Variants in DNAH9 observed in about 807,000 individuals in gnomAD.
DNAH9 encodes the protein dynein axonemal heavy chain 9.
In DNAH9, 345 loss-of-function variants were observed where a neutral mutation model predicts 471.6. The ratio of observed to expected loss-of-function variants is 0.73; its 90% confidence interval spans 0.67 to 0.80. The LOEUF (loss-of-function observed/expected upper bound fraction) is 0.80, where lower values mean the gene tolerates loss of function less well. Among genes scored for constraint, DNAH9 ranks in the 30% least tolerant of loss-of-function variants. The pLI is 0.00. For synonymous variants in DNAH9, 2,093 were observed against 2,123.6 expected (o/e 0.99, Z 0.40); for missense variants, 5,407 against 5,609.2 (o/e 0.96, Z 1.15).
chr17:11,787,791 A>C (rs2150903046), intron 41 of DNAH9, among the ~76,000 whole-genome samples: 1 of 152,252 alleles, frequency 6.6e-6, no homozygotes. Flanking sequence ...GTAGTGAGTA[A>C]GTCTCACGAG....
At chr17:11,614,566 C>T (rs1358241131) in intron 4 of DNAH9, among the ~76,000 whole-genome samples, 1 of 152,176 alleles carries the variant, frequency 6.6e-6, no homozygotes, top group Non-Finnish European at 1.5e-5. Flanking sequence ...TTTCTGAGTC[C>T]ATTTGTGCTG....
chr17:11,742,911 A>G (rs2075453136), intron 30 of DNAH9, among the ~76,000 whole-genome samples: 1 of 152,204 alleles, frequency 6.6e-6, no homozygotes, highest in Non-Finnish European at 1.5e-5. Context: ...TCTCTCAGCC[A>G]TGTGGAGTCT....
chr17:11,823,872 G>A (rs1016901570), intron 48 of DNAH9, among the ~76,000 whole-genome samples: 2 of 151,588 alleles, frequency 1.3e-5, no homozygotes, highest in African/African-American at 4.9e-5. Flanking sequence ...GGAGATTGCA[G>A]TGAGCCGAGA....
Position 11,932,082 on chromosome 17 carries a change from T to C in DNAH9, c.12174T>C (p.His4058=), listed in dbSNP as rs2151036111. Residue 4058 remains histidine, a synonymous_variant, in exon 64 of 69, where the codon CAT becomes CAC. Transcript: ENST00000262442. This position sits in a 1 kb window ranked among gnomAD's most constrained non-coding sequence, Gnocchi z 4.3. ...TCCTCTTTGCTCTTTGTTACTTCCA[T>C]GCGGTGGTGGCAGAAAGACGAAAAT... The part of the protein sequence containing the change: ...KSILFALCYF[H]AVVAERRKFG... The C allele has an allele frequency of 6.2e-7, 1 of 1,614,120 alleles. No individual in the cohort carries two copies. The highest frequency in any genetic ancestry group is 8.5e-7 in the Non-Finnish European group (1 of 1,180,036).
chr17:11,950,479 C>A (rs1975323844), intron 67 of DNAH9, among the ~76,000 whole-genome samples: 2 of 152,264 alleles, frequency 1.3e-5, no homozygotes, highest in South Asian at 4.1e-4. Context: ...GATCTTCCCA[C>A]CTCAGCCACG....
chr17:11,948,524 C>T (rs139015604), intron 67 of DNAH9, among the ~76,000 whole-genome samples: 130 of 152,292 alleles, frequency 8.5e-4, no homozygotes, highest in African/African-American at 3.0e-3. Context: ...GCCACCGCAC[C>T]CGGCCTCCTC....
rs2072969930 is a variant in DNAH9, at chr17:11,626,352, T to C, written c.1351-3065T>C. 6.6e-6 allele frequency among the ~76,000 whole-genome samples: 1 copy of C among 152,226 alleles called. No homozygotes were observed. The highest frequency in any genetic ancestry group is 2.1e-4 in the South Asian group (1 of 4,830). On this transcript the variant is annotated intron_variant, in intron 6 of 68. Transcript: ENST00000262442. The surrounding 1 kb of genome is among the most constrained non-coding windows in gnomAD (Gnocchi z 4.3). ...GAATCGAATTATTTTGATTCTTAAA[T>C]CAAAGATTTAAGGCTAATCAAAGAT...
At chr17:11,736,594 C>T (rs565580843) in intron 28 of DNAH9, among the ~76,000 whole-genome samples, 12 of 152,298 alleles carry the variant, frequency 7.9e-5, no homozygotes, top group South Asian at 6.2e-4. Flanking sequence ...CTCTGCGGAC[C>T]GCAGTTGCTG....
intron 65 of DNAH9, 82 bp downstream of exon 65, chr17:11,934,153 C>T (rs935637483): frequency 1.9e-5 from 28 of 1,456,312 alleles, no homozygotes; most frequent in Non-Finnish European, 2.4e-5. Context: ...CCTGCACCAC[C>T]AGGGAAGCCT....
At chr17:11,807,985 G>A in intron 44 of DNAH9, 91 bp downstream of exon 44, 1 of 1,374,698 alleles carries the variant, frequency 7.3e-7, no homozygotes, top group Non-Finnish European at 9.9e-7. Flanking sequence ...CAGTTCCCCT[G>A]TCTGGAGCCT....
intron 43 of DNAH9, among the ~76,000 whole-genome samples, chr17:11,806,486 A>G (rs1363067829): frequency 6.6e-6 from 1 of 152,050 alleles, no homozygotes; most frequent in Non-Finnish European, 1.5e-5. Context: ...TCTACACAAT[A>G]CCATTCTACC....
At chr17:11,879,662 G>C (rs1033416180) in intron 53 of DNAH9, among the ~76,000 whole-genome samples, 1 of 124,918 alleles carries the variant, frequency 8.0e-6, no homozygotes, top group African/African-American at 3.3e-5. Flanking sequence ...CTAATACCCA[G>C]TCATTTAAAA....
chr17:11,849,836 C>A (rs1031568448), intron 49 of DNAH9, among the ~76,000 whole-genome samples: 1 of 152,132 alleles, frequency 6.6e-6, no homozygotes, highest in African/African-American at 2.4e-5. Flanking sequence ...TTCTTGTATC[C>A]CCGTCACTCA....
At chr17:11,817,741 C>A (rs1970151418) in intron 45 of DNAH9, among the ~76,000 whole-genome samples, 1 of 152,130 alleles carries the variant, frequency 6.6e-6, no homozygotes, top group Non-Finnish European at 1.5e-5. Context: ...TGAAATGAGT[C>A]ATTCTATTAG....
intron 51 of DNAH9, among the ~76,000 whole-genome samples, chr17:11,870,598 C>T (rs1972227628): frequency 1.3e-5 from 2 of 152,182 alleles, no homozygotes; most frequent in Admixed American, 6.5e-5. Context: ...TGAGATGATC[C>T]GTTTAGCTGA....
Position 11,619,729 on chromosome 17 carries a change from C to G in DNAH9, c.1298C>G (p.Ser433Cys), listed in dbSNP as rs117678834. The G allele has an allele frequency of 3.7e-4, 590 of 1,614,060 alleles. 2 individuals carry two copies. The East Asian group carries it at 0.012, about 34-fold the overall frequency. ...GTCAAGGAATGGGATTTCCAGTCTT[C>G]TTTGGTCTTTGTGCGATTGGATGGC... ...QEVKEWDFQS[S>C]LVFVRLDGFL... is the part of the protein sequence containing the mutation. Residue 433 changes from serine (S) to cysteine (C), a missense_variant, in exon 6 of 69, where the codon TCT becomes TGT. By Grantham distance (112) the Ser-to-Cys change is moderately radical. This residue lies in a region of DNAH9 where 767 missense variants were observed against 692.5 expected (regional missense o/e 1.11). Coordinates refer to ENST00000262442, the MANE Select transcript of DNAH9 (RefSeq NM_001372.4).
intron 39 of DNAH9, 81 bp from the exon 40 acceptor site, chr17:11,783,565 C>T: frequency 1.0e-6 from 1 of 993,988 alleles, no homozygotes; most frequent in Non-Finnish European, 1.6e-6. Context: ...AACAGTAGGG[C>T]ACATCCTACC....
chr17:11,632,717 G>C lies in DNAH9; in HGVS notation c.1635+14G>C. The stretch of plus-strand genomic sequence containing the variant: ...CATGCCTTTAAGGTTTGTGTAAATG[G>C]GGCAGGAGCCACTCGGTCCTGGATA... On this transcript the variant is annotated intron_variant, in intron 8 of 68. Transcript: ENST00000262442. 1 of 1,355,164 alleles carries C rather than the reference G, an allele frequency of 7.4e-7. No individual in the cohort carries two copies. Among genetic ancestry groups the C allele is most frequent in the African/African-American group, 1.4e-5 (1 of 69,736 alleles). 83.9% of individuals were successfully genotyped at this position (1,355,164 alleles called of 1,614,324 possible).
At chr17:11,727,720 A>C (rs577112030) in intron 27 of DNAH9, 98 bp from the exon 28 acceptor site, 1 of 775,434 alleles carries the variant, frequency 1.3e-6, no homozygotes, top group Non-Finnish European at 2.3e-6. Context: ...CTTTAGGGGG[A>C]CTAGAAGTAT....
Sources: allele counts gnomAD v4.1 joint callset (sites outside exome capture counted in the v4.1 genomes callset), GRCh38; gene constraint gnomAD v4.1.1; regional missense constraint gnomAD v4.1.1; non-coding constraint Gnocchi (gnomAD v3.1); transcripts MANE v1.5; gene names NCBI Gene and HGNC (gene_info 2026-07-23, HGNC 2026-07-21).